CGREF1: variants seen among roughly 807,000 people sequenced by gnomAD.
CGREF1 encodes the protein cell growth regulator with EF-hand domain 1.
A neutral mutation model predicts 17.4 loss-of-function variants in CGREF1; 16 were observed. The ratio of observed to expected loss-of-function variants is 0.92; its 90% CI spans 0.62 to 1.40. The LOEUF is 1.40. Among genes scored for constraint, CGREF1 ranks in the 40% most tolerant of loss-of-function variants. The pLI is 0.00. For synonymous variants in CGREF1, 142 were observed against 154.6 expected, an observed-to-expected ratio of 0.92 and a Z score of 0.61; for missense variants, 296 against 376.4, an observed-to-expected ratio of 0.79 and a Z score of 1.77.
intron 1 of CGREF1, chr2:27,118,626 G>A (rs2148403621): frequency 6.6e-6 from 1 of 152,518 alleles, no homozygotes; most frequent in East Asian, 1.9e-4. Flanking sequence ...TTCACACCAA[G>A]GAGCCTCAGG....
downstream of CGREF1, chr2:27,100,079 C>CT: frequency 1.7e-6 from 1 of 603,470 alleles, no homozygotes. Context: ...CGCCCAGGCC[C>CT]AGAGGAGGGG....
intron 1 of CGREF1, among the ~76,000 whole-genome samples, chr2:27,115,929 T>C (rs773192889): frequency 2.0e-5 from 3 of 152,198 alleles, no homozygotes; most frequent in Non-Finnish European, 4.4e-5. Context: ...ATGCAAGTGA[T>C]TGGGCTGAGT....
At chr2:27,116,923 C>CTCTCTCTCTCTCTCT (rs1259106800) in intron 1 of CGREF1, among the ~76,000 whole-genome samples, 2 of 53,014 alleles carry the variant, frequency 3.8e-5, no homozygotes, top group African/African-American at 9.7e-5. Flanking sequence ...CTCTCTCTCT[C>CTCTCTCTCTCTCTCT]TTTTTTTGAG....
rs757879252 is a variant in CGREF1 at position 27,101,903 on chromosome 2, T to G, written c.343-15A>C. 26 of 1,607,020 alleles carry G rather than the reference T, an allele frequency of 1.6e-5. No individual in the cohort carries two copies. In the South Asian group the frequency reaches 1.9e-4, roughly 12 times the overall value. ...ATCAAGATCACCTGTGGAAGCAGAG[T>G]CACTGTGGGGTCTCCAGGGACAGAG... On this transcript the variant is annotated splice_polypyrimidine_tract_variant and intron_variant, in intron 5 of 5. Coordinates refer to ENST00000402394, the MANE Select transcript of CGREF1 (RefSeq NM_006569.6).
At chr2:27,100,486 T>C (rs1030217877), downstream of CGREF1, 1 of 1,290,548 alleles carries the variant, frequency 7.7e-7, no homozygotes, top group Admixed American at 2.3e-5. Flanking sequence ...CTCAGGGAGG[T>C]CCGATCTGGA....
rs1443201461 is a variant in CGREF1 at position 27,101,575 on chromosome 2, G to A, written c.656C>T (p.Pro219Leu). The change falls in exon 6 of 6, where the codon CCA becomes CTA. Residue 219 changes from proline to leucine, a missense_variant. Pro to Leu is a moderately conservative substitution (Grantham distance 98). This residue lies in a region of CGREF1 where 247 missense variants were observed against 267.2 expected (regional missense o/e 0.92). Coordinates refer to ENST00000402394, the MANE Select transcript of CGREF1 (RefSeq NM_006569.6). ...GCCCTCAGCTTCCCCTCTGGGCCCT[G>A]GAACATCTCCATCAGCCTCTGCCTG... ...GGQAEADGDV[P>L]GPRGEAEGQA... The A allele has an allele frequency of 1.9e-6, 3 of 1,613,082 alleles. No individual in the cohort carries two copies. Among genetic ancestry groups the A allele is most frequent in the Non-Finnish European group, 2.5e-6 (3 of 1,179,900 alleles).
chr2:27,109,386 A>AAG (rs1491441733), intron 1 of CGREF1, among the ~76,000 whole-genome samples: 5 of 150,140 alleles, frequency 3.3e-5, no homozygotes, highest in East Asian at 4.0e-4. Flanking sequence ...AAAAAAAAAA[A>AAG]GGGTTTGAAA....
intron 1 of CGREF1, among the ~76,000 whole-genome samples, chr2:27,106,657 C>T (rs2148387466): frequency 1.3e-5 from 2 of 152,264 alleles, no homozygotes; most frequent in Middle Eastern, 3.4e-3. Flanking sequence ...ACTCTGTCGC[C>T]CAGGCTGGAG....
intron 2 of CGREF1, chr2:27,102,813 A>C (rs1670956666): frequency 1.5e-6 from 1 of 653,630 alleles, no homozygotes; most frequent in African/African-American, 2.0e-5. Context: ...CTTAGACTTT[A>C]AATGAAAACC....
chr2:27,102,465 T>G (rs1670932031), intron 3 of CGREF1, 35 bp from the exon 4 acceptor site: 2 of 1,612,930 alleles, frequency 1.2e-6, no homozygotes, highest in South Asian at 2.2e-5. Context: ...CCGGGAGAGG[T>G]GAGTCTGCAG....
At chr2:27,110,410 CA>C (rs1340331717) in intron 1 of CGREF1, among the ~76,000 whole-genome samples, 15 of 150,288 alleles carry the variant, frequency 1.0e-4, no homozygotes. Flanking sequence ...AAAAAATACA[CA>C]CACACACACA....
At chr2:27,112,057 C>T (rs1341367010) in intron 1 of CGREF1, among the ~76,000 whole-genome samples, 2 of 152,182 alleles carry the variant, frequency 1.3e-5, no homozygotes, top group African/African-American at 4.8e-5. Flanking sequence ...ATTGCTTGAG[C>T]CCAGAAGTTG....
intron 4 of CGREF1, 28 bp downstream of exon 4, chr2:27,102,332 C>A (rs760789940): frequency 1.2e-6 from 2 of 1,613,712 alleles, no homozygotes; most frequent in Non-Finnish European, 8.5e-7. Flanking sequence ...AGCCTCCCGT[C>A]CCTGGCCCCA....
In CGREF1 at chr2:27,101,191, T is replaced by C. The variant is rs541369615; in HGVS notation, c.*83A>G. On this transcript the variant is annotated 3_prime_UTR_variant, in exon 6 of 6. Coordinates refer to ENST00000402394, the MANE Select transcript of CGREF1 (RefSeq NM_006569.6). ...AGGCAGGGGGCACAGAGATGGTCCT[T>C]GTCCCAGCGTACATTTCCCCTGCCC... The C allele has an allele frequency of 2.9e-5, 44 of 1,504,592 alleles. No homozygotes were observed. The African/African-American group carries it at 4.2e-4, about 14-fold the overall frequency. The allele number at this position is 1,504,592 out of a possible 1,614,324, so 93.2% of individuals were successfully genotyped here.
chr2:27,116,920 TCTC>T lies in CGREF1; in HGVS notation c.-12+1923_-12+1925del, dbSNP rs1256194838. ...CTCTCTCTCTCTCTCTCTCTCTCTC[TCTC>T]TTTTTTTGAGACAGAGTCTCGCTCT... On this transcript the variant is annotated intron_variant, in intron 1 of 5. Transcript: ENST00000402394. 6.8e-3 allele frequency among the ~76,000 whole-genome samples: 521 copies of T among 76,986 alleles called. 31 individuals are homozygous for T. The highest frequency in any genetic ancestry group is 0.026 in the African/African-American group (420 of 16,140). 50.5% of individuals were successfully genotyped at this position (76,986 alleles called of 152,430 possible).
downstream of CGREF1, chr2:27,099,508 C>A: frequency 6.2e-7 from 1 of 1,614,140 alleles, no homozygotes; most frequent in Non-Finnish European, 8.5e-7. Context: ...TTTCCCGCCA[C>A]CCCGCGTGGT....
At chr2:27,105,159 G>A (rs1378772842) in intron 1 of CGREF1, among the ~76,000 whole-genome samples, 1 of 152,232 alleles carries the variant, frequency 6.6e-6, no homozygotes, top group East Asian at 1.9e-4. Context: ...GGTATGTACA[G>A]GTAGTGTGAG....
chr2:27,101,200 G>C lies in CGREF1; in HGVS notation c.*74C>G. ...GCACAGAGATGGTCCTTGTCCCAGC[G>C]TACATTTCCCCTGCCCACTTCAGGG... On this transcript the variant is annotated 3_prime_UTR_variant, in exon 6 of 6. Coordinates refer to ENST00000402394, the MANE Select transcript of CGREF1 (RefSeq NM_006569.6). 6.6e-7 allele frequency: 1 copy of C among 1,507,422 alleles called. No homozygotes were observed. The highest frequency in any genetic ancestry group is 8.8e-7 in the Non-Finnish European group (1 of 1,131,428). The allele number at this position is 1,507,422 out of a possible 1,614,324, so 93.4% of individuals were successfully genotyped here.
At chr2:27,117,020 C>T (rs1277837296) in intron 1 of CGREF1, among the ~76,000 whole-genome samples, 1 of 151,872 alleles carries the variant, frequency 6.6e-6, no homozygotes, top group Non-Finnish European at 1.5e-5. Flanking sequence ...TCAAGCGATT[C>T]TCCTGCCTCA....
Sources: allele counts gnomAD v4.1 joint callset (sites outside exome capture counted in the v4.1 genomes callset), GRCh38; gene constraint gnomAD v4.1.1; regional missense constraint gnomAD v4.1.1; transcripts MANE v1.5; gene names NCBI Gene and HGNC (gene_info 2026-07-23, HGNC 2026-07-21).